Variants in CHKA observed in about 807,000 individuals in gnomAD.
CHKA encodes the protein CHETK-alpha.
CHKA carries 34 observed loss-of-function variants against 60.1 expected under a neutral mutation model. That is an observed-to-expected ratio of 0.57 (90% CI 0.43 to 0.75). The LOEUF is 0.75. Ranked by LOEUF, CHKA falls within the 30% of genes least tolerant of loss-of-function variation. The pLI is 0.00. For missense variants in CHKA, 563 were observed against 561.3 expected, an observed-to-expected ratio of 1.00 and a Z score of -0.03; for synonymous variants, 217 against 223.1, an observed-to-expected ratio of 0.97 and a Z score of 0.24.
chr11:68,071,194 T>C (rs1055457281), intron 4 of CHKA, among the ~76,000 whole-genome samples: 2 of 152,244 alleles, frequency 1.3e-5, no homozygotes, highest in African/African-American at 4.8e-5. Context: ...CACTACCCAA[T>C]GCTGAAGTCC....
At chr11:68,088,018 CA>C (rs1857235898) in intron 2 of CHKA, among the ~76,000 whole-genome samples, 1 of 140,906 alleles carries the variant, frequency 7.1e-6, no homozygotes, top group South Asian at 2.2e-4. Flanking sequence ...GGGACTGAGG[CA>C]TAAGAATCGC....
intron 2 of CHKA, among the ~76,000 whole-genome samples, chr11:68,089,182 C>T (rs1299653197): frequency 8.5e-5 from 13 of 152,148 alleles, no homozygotes; most frequent in Non-Finnish European, 1.9e-4. Context: ...TTTAAAAAGG[C>T]CTATTTCAGG....
Position 68,070,246 on chromosome 11 carries a change from A to G in CHKA, c.812T>C (p.Ile271Thr), listed in dbSNP as rs139428491. The change falls in exon 6 of 12, where the codon ATT becomes ACT. Residue 271 changes from isoleucine to threonine, a missense_variant. Ile to Thr is a moderately conservative substitution (Grantham distance 89). Coordinates refer to ENST00000265689, the MANE Select transcript of CHKA (RefSeq NM_001277.3). ...ACTGAGCAATTTGTGGAGCTTTTTA[A>G]TTCTGGATTCCTCAGTAAATTTAAT... ...LRIKFTEESR[I>T]KKLHKLLSYN... 1.2e-6 allele frequency: 2 copies of G among 1,614,028 alleles called. No individual in the cohort carries two copies. The highest frequency in any genetic ancestry group is 2.7e-5 in the African/African-American group (2 of 74,926).
In CHKA at chr11:68,083,968, GC is replaced by G. The variant is rs201704350; in HGVS notation, c.463-2512del. 3.6e-3 allele frequency among the ~76,000 whole-genome samples: 548 copies of G among 152,028 alleles called. 5 individuals carry two copies. The highest frequency in any genetic ancestry group is 0.027 in the Admixed American group (411 of 15,268). ...GGAAGTTAAATATATTTTGGGGCCGGCGGGGGTGGCCCATGCCTGTAATCCC... is the reference window on the plus strand; with the variant it reads ...GGAAGTTAAATATATTTTGGGGCCGGGGGGGTGGCCCATGCCTGTAATCCC... On this transcript the variant is annotated intron_variant, in intron 2 of 11. Transcript: ENST00000265689.
At chr11:68,109,385 G>A (rs898445218) in intron 1 of CHKA, among the ~76,000 whole-genome samples, 14 of 151,940 alleles carry the variant, frequency 9.2e-5, no homozygotes, top group East Asian at 1.9e-4. Flanking sequence ...CACCGAGCCC[G>A]GCCTCTTATA....
intron 3 of CHKA, among the ~76,000 whole-genome samples, chr11:68,075,859 C>A (rs1053117521): frequency 6.6e-6 from 1 of 152,196 alleles, no homozygotes; most frequent in African/African-American, 2.4e-5. Flanking sequence ...ACCAGCAGGG[C>A]TGTTTTGAAA....
intron 6 of CHKA, 24 bp downstream of exon 6, chr11:68,070,165 T>A: frequency 3.9e-6 from 6 of 1,519,736 alleles, no homozygotes; most frequent in Non-Finnish European, 5.5e-6. Context: ...ATATTTAAAG[T>A]CAGGAAATAG....
In CHKA at chr11:68,093,573, C is replaced by T. The variant is rs1204599078; in HGVS notation, c.462+3446G>A. Among the ~76,000 whole-genome samples, 6 of 152,208 alleles carry T rather than the reference C, an allele frequency of 3.9e-5. No individual in the cohort carries two copies. In the East Asian group the frequency reaches 9.6e-4, roughly 24 times the overall value. On this transcript the variant is annotated intron_variant, in intron 2 of 11. Transcript: ENST00000265689. ...ATAGTCTTTTTTCTTAGAAATAAAT[C>T]GGGACATAGAATTCTGTTCAAACAA...
At chr11:68,091,108 G>GA (rs1196612389) in intron 2 of CHKA, among the ~76,000 whole-genome samples, 2 of 152,080 alleles carry the variant, frequency 1.3e-5, no homozygotes, top group Non-Finnish European at 2.9e-5. Context: ...TATCAGAAAG[G>GA]AAAAAAATCA....
chr11:68,107,351 C>T (rs1857951294), intron 1 of CHKA, among the ~76,000 whole-genome samples: 1 of 152,072 alleles, frequency 6.6e-6, no homozygotes, highest in African/African-American at 2.4e-5. Context: ...GCAGTTTTTA[C>T]CTATTTTTCC....
At chr11:68,069,684 TAA>T (rs750513064) in intron 6 of CHKA, among the ~76,000 whole-genome samples, 24 of 96,350 alleles carry the variant, frequency 2.5e-4, no homozygotes, top group Admixed American at 4.3e-4. Flanking sequence ...CTCCGTCTTA[TAA>T]AAAAAAAAAA....
At chr11:68,069,154 GC>G (rs1856536635) in intron 6 of CHKA, among the ~76,000 whole-genome samples, 1 of 152,088 alleles carries the variant, frequency 6.6e-6, no homozygotes. Context: ...CTCTGCATGT[GC>G]CGCTCCCTCC....
intron 2 of CHKA, among the ~76,000 whole-genome samples, chr11:68,086,653 G>A (rs1590860151): frequency 6.6e-6 from 1 of 152,154 alleles, no homozygotes; most frequent in Admixed American, 6.5e-5. Context: ...GGGTGAAAGC[G>A]GCATAAAGAA....
chr11:68,059,274 T>C (rs1244999403), intron 11 of CHKA, among the ~76,000 whole-genome samples: 1 of 152,188 alleles, frequency 6.6e-6, no homozygotes, highest in African/African-American at 2.4e-5. Context: ...TTTTTTTTTA[T>C]CACATTGGAT....
Position 68,097,054 on chromosome 11 carries a change from CT to C in CHKA, c.426del (p.Val143CysfsTer12). ...ATCGCTCCATACAGCCGCAGGAGCACTTTCCGAGGCTCATCACCAAGGGTGG... is the reference window on the plus strand; with the variant it reads ...ATCGCTCCATACAGCCGCAGGAGCACTTCCGAGGCTCATCACCAAGGGTGG... ...TTATLGDEPR[K>X]VLLRLYGAIL... On this transcript the variant is annotated frameshift_variant, in exon 2 of 12. Transcript: ENST00000265689. LOFTEE classifies it high-confidence loss of function. 1 of 1,613,590 alleles carries C rather than the reference CT, an allele frequency of 6.2e-7. No homozygotes were observed. Among genetic ancestry groups the C allele is most frequent in the Non-Finnish European group, 8.5e-7 (1 of 1,179,742 alleles).
At chr11:68,058,098 C>T (rs1473436741) in intron 11 of CHKA, among the ~76,000 whole-genome samples, 1 of 152,090 alleles carries the variant, frequency 6.6e-6, no homozygotes, top group Non-Finnish European at 1.5e-5. Flanking sequence ...TGCTATGCTG[C>T]CCAGGCTGGT....
chr11:68,064,543 A>G lies in CHKA; in HGVS notation c.1214T>C (p.Met405Thr), dbSNP rs780482487. The G allele has an allele frequency of 1.1e-5, 17 of 1,564,714 alleles. No individual in the cohort carries two copies. In the South Asian group the frequency reaches 2.1e-4, roughly 19 times the overall value. Reference sequence around the variant, plus strand: ...ATGTTACCTATTAACTTCAAGCAACATTTCTTCTTTTATAATGGATTTTTC... The same window carrying G: ...ATGTTACCTATTAACTTCAAGCAACGTTTCTTCTTTTATAATGGATTTTTC... ...TEEKSIIKEE[M>T]LLEVNRFALA... Residue 405 changes from methionine (M) to threonine (T), a missense_variant, in exon 10 of 12, where the codon ATG becomes ACG. By Grantham distance (81) the Met-to-Thr change is moderately conservative. Coordinates refer to ENST00000265689, the MANE Select transcript of CHKA (RefSeq NM_001277.3).
chr11:68,087,731 G>A (rs1857225930), intron 2 of CHKA, among the ~76,000 whole-genome samples: 2 of 152,124 alleles, frequency 1.3e-5, no homozygotes, highest in African/African-American at 4.8e-5. Flanking sequence ...GGATCATTCA[G>A]CTTACTGTCT....
chr11:68,063,354 G>C (rs1334996874), intron 10 of CHKA, among the ~76,000 whole-genome samples: 1 of 152,054 alleles, frequency 6.6e-6, no homozygotes, highest in African/African-American at 2.4e-5. Context: ...ACAAAAATTA[G>C]CCAGGCATGG....
Sources: gnomAD v4.1 joint callset for allele counts (sites outside exome capture counted in the v4.1 genomes callset) on GRCh38, gnomAD v4.1.1 for gene constraint, MANE v1.5 for transcripts, NCBI Gene and HGNC (gene_info 2026-07-23, HGNC 2026-07-21) for gene names.